GOLM1: variants seen among roughly 807,000 people sequenced by gnomAD.
GOLM1 encodes epididymis luminal protein 46.
A neutral mutation model predicts 50.5 loss-of-function variants in GOLM1; 31 were observed. The observed-to-expected ratio is 0.61, with a 90% confidence interval of 0.46 to 0.83. The LOEUF (loss-of-function observed/expected upper bound fraction) is 0.83. Ranked by LOEUF, GOLM1 falls within the 40% of genes least tolerant of loss-of-function variation. The pLI is 0.00. For synonymous variants in GOLM1, 178 were observed against 192.8 expected (o/e 0.92, Z 0.64); for missense variants, 491 against 501.3 (o/e 0.98, Z 0.20).
chr9:86,041,642 A>C (rs1241619841), intron 5 of GOLM1, among the ~76,000 whole-genome samples: 9 of 152,196 alleles, frequency 5.9e-5, no homozygotes, highest in Admixed American at 5.9e-4. Context: ...ATCATGTGAC[A>C]GTCATCCTGG....
chr9:86,038,863 G>C (rs1299533745), intron 6 of GOLM1, among the ~76,000 whole-genome samples: 2 of 152,150 alleles, frequency 1.3e-5, no homozygotes, highest in South Asian at 4.2e-4. Context: ...AAATGTAACA[G>C]TAAATCTTCA....
chr9:86,042,818 T>C (rs1470726461), intron 5 of GOLM1, among the ~76,000 whole-genome samples: 1 of 152,194 alleles, frequency 6.6e-6, no homozygotes, highest in Non-Finnish European at 1.5e-5. Flanking sequence ...ACTGGGGCTT[T>C]CCATGTTCCA....
In GOLM1 at chr9:86,054,092, T is replaced by G. The variant is rs537206418; in HGVS notation, c.310-1501A>C. On this transcript the variant is annotated intron_variant, in intron 3 of 9. Coordinates refer to ENST00000388712, the MANE Select transcript of GOLM1 (RefSeq NM_016548.4). ...GGTTTCACACACAGTCTCACCATGC[T>G]GGGAAAGTCAACAGTAGAGGAGGAC... Among the ~76,000 whole-genome samples the G allele has an allele frequency of 2.0e-5, 3 of 152,218 alleles. No homozygotes were observed. The South Asian group carries it at 6.2e-4, about 32-fold the overall frequency.
rs574198165 is a variant in GOLM1, at chr9:86,079,589, G to A, written c.-21-248C>T. ...GGCTCGGAGGAGCAGGCACCGCCCC[G>A]AAACCTGCCACAGATTAGCTCGAGA... On this transcript the variant is annotated intron_variant, in intron 1 of 9. Coordinates refer to ENST00000388712, the MANE Select transcript of GOLM1 (RefSeq NM_016548.4). 7.6e-5 allele frequency: 26 copies of A among 341,112 alleles called. No homozygotes were observed. The South Asian group carries it at 2.8e-3, about 36-fold the overall frequency. The allele number at this position is 341,112 out of a possible 1,614,324, so 21.1% of individuals were successfully genotyped here.
At chr9:86,033,093 AC>A (rs1277779324) in intron 9 of GOLM1, among the ~76,000 whole-genome samples, 188 bp downstream of exon 9, 1 of 152,160 alleles carries the variant, frequency 6.6e-6, no homozygotes. Context: ...GGTTTTCATC[AC>A]CTTGGGCTTC....
intron 1 of GOLM1, among the ~76,000 whole-genome samples, chr9:86,085,402 T>C (rs1054289892): frequency 1.3e-5 from 2 of 151,634 alleles, no homozygotes; most frequent in African/African-American, 4.8e-5. Flanking sequence ...TAATTTTTTT[T>C]CAATTTTTCA....
intron 1 of GOLM1, among the ~76,000 whole-genome samples, chr9:86,095,069 C>T (rs1428792447): frequency 2.5e-5 from 3 of 119,796 alleles, no homozygotes; most frequent in African/African-American, 1.1e-4. Flanking sequence ...GGCAAAAACC[C>T]CGTCTAAAAA....
At chr9:86,053,387 C>CAT in intron 3 of GOLM1, among the ~76,000 whole-genome samples, 1 of 96,418 alleles carries the variant, frequency 1.0e-5, no homozygotes, top group Non-Finnish European at 2.3e-5. Context: ...CACACCAAAC[C>CAT]ACACATCAGT....
At chr9:86,055,495 C>T (rs907880299) in intron 3 of GOLM1, among the ~76,000 whole-genome samples, 2 of 152,184 alleles carry the variant, frequency 1.3e-5, no homozygotes, top group Non-Finnish European at 2.9e-5. Context: ...CTCTCATGTT[C>T]GCTGCAGCAT....
At chr9:86,038,194 C>T (rs1372770856) in intron 6 of GOLM1, among the ~76,000 whole-genome samples, 1 of 151,838 alleles carries the variant, frequency 6.6e-6, no homozygotes, top group African/African-American at 2.4e-5. Context: ...AAAACCTGCC[C>T]CAGTCATAAG....
chr9:86,037,961 C>G (rs1242362205), intron 6 of GOLM1, among the ~76,000 whole-genome samples: 1 of 151,982 alleles, frequency 6.6e-6, no homozygotes. Flanking sequence ...TCAAGACCAG[C>G]TTGACCAACA....
At chr9:86,080,846 T>C (rs545118086) in intron 1 of GOLM1, among the ~76,000 whole-genome samples, 156 of 152,292 alleles carry the variant, frequency 1.0e-3, no homozygotes, top group African/African-American at 3.5e-3. Flanking sequence ...CAAGAGACTC[T>C]TGATCACAAG....
At chr9:86,041,813 G>A (rs1251063817) in intron 5 of GOLM1, among the ~76,000 whole-genome samples, 4 of 152,148 alleles carry the variant, frequency 2.6e-5, no homozygotes, top group Middle Eastern at 3.2e-3. Context: ...TGTGCTAAGT[G>A]GGTAGTATCA....
intron 9 of GOLM1, among the ~76,000 whole-genome samples, chr9:86,028,572 G>A (rs1207945556): frequency 6.6e-6 from 1 of 152,226 alleles, no homozygotes; most frequent in African/African-American, 2.4e-5. Flanking sequence ...GATACAGAAA[G>A]CCCTCTGTCC....
Position 86,026,315 on chromosome 9 carries a change from T to TATC in GOLM1, c.*1499_*1501dup, listed in dbSNP as rs1277302401. The TATC allele has an allele frequency of 1.1e-4, 113 of 984,750 alleles. No homozygotes were observed. The highest frequency in any genetic ancestry group is 1.3e-4 in the Non-Finnish European group (108 of 829,446). The allele number at this position is 984,750 out of a possible 1,614,324, so 61.0% of individuals were successfully genotyped here. On this transcript the variant is annotated 3_prime_UTR_variant, in exon 10 of 10. Transcript: ENST00000388712. ...AGAGTATGAAAGTACTCTAAGATTT[T>TATC]ATCTAAGTTGCCTTTTCTGGGTGGG...
chr9:86,033,864 GGCA>G (rs1328069217), intron 8 of GOLM1, among the ~76,000 whole-genome samples: 7 of 152,092 alleles, frequency 4.6e-5, no homozygotes, highest in African/African-American at 1.7e-4. Flanking sequence ...CCCTGGAGTG[GGCA>G]GCAGCCAGAG....
intron 3 of GOLM1, among the ~76,000 whole-genome samples, chr9:86,061,678 G>T (rs1834162527): frequency 6.6e-6 from 1 of 152,180 alleles, no homozygotes; most frequent in Non-Finnish European, 1.5e-5. Context: ...AACCTAAGCA[G>T]GGTGGCCTGC....
chr9:86,047,557 T>C (rs1587706625), intron 4 of GOLM1, among the ~76,000 whole-genome samples: 2 of 150,916 alleles, frequency 1.3e-5, no homozygotes, highest in South Asian at 4.2e-4. Context: ...TCGCAGGGCA[T>C]GGGTGGGGGG....
chr9:86,062,363 C>T (rs963597909), intron 3 of GOLM1, among the ~76,000 whole-genome samples: 5 of 151,952 alleles, frequency 3.3e-5, no homozygotes, highest in African/African-American at 1.2e-4. Context: ...CTGCACAGGG[C>T]ACACTGCAGG....
Sources: gnomAD v4.1 joint callset for allele counts (sites outside exome capture counted in the v4.1 genomes callset) on GRCh38, gnomAD v4.1.1 for gene constraint, MANE v1.5 for transcripts, NCBI Gene and HGNC (gene_info 2026-07-23, HGNC 2026-07-21) for gene names.